Variants in MAPK10 observed in about 807,000 individuals in gnomAD.
The protein encoded by MAPK10 is mitogen-activated protein kinase 10.
A neutral mutation model predicts 59.3 loss-of-function variants in MAPK10; 25 were observed. The ratio of observed to expected loss-of-function variants is 0.42; its 90% CI spans 0.31 to 0.59. MAPK10 has a LOEUF of 0.59. Among genes scored for constraint, MAPK10 ranks in the 20% least tolerant of loss-of-function variants. The probability of loss-of-function intolerance (pLI) is 0.15; values close to 1 mark genes in which losing one functional copy is unlikely to be tolerated. For synonymous variants in MAPK10, 190 were observed against 200.5 expected (o/e 0.95, Z 0.44); for missense variants, 351 against 568.9 (o/e 0.62, Z 3.90).
chr4:86,283,761 G>T (rs1038270502), intron 2 of MAPK10, among the ~76,000 whole-genome samples: 1 of 152,112 alleles, frequency 6.6e-6, no homozygotes, highest in Non-Finnish European at 1.5e-5. Context: ...CCCTTTGATG[G>T]TTGCTTGTAG....
chr4:86,474,132 T>C (rs1256965242), intron 1 of MAPK10, among the ~76,000 whole-genome samples: 6 of 152,272 alleles, frequency 3.9e-5, no homozygotes, highest in African/African-American at 7.2e-5. Context: ...GTCATGTATA[T>C]ATTTCCAACA....
chr4:86,547,944 A>G (rs1237075318), intron 1 of MAPK10, among the ~76,000 whole-genome samples: 1 of 152,146 alleles, frequency 6.6e-6, no homozygotes, highest in African/African-American at 2.4e-5. Flanking sequence ...CCCTGTCAAA[A>G]CAGACCACTC....
At chr4:86,442,760 G>A (rs998645798) in intron 1 of MAPK10, among the ~76,000 whole-genome samples, 5 of 151,898 alleles carry the variant, frequency 3.3e-5, no homozygotes, top group East Asian at 3.9e-4. Flanking sequence ...CTGTGTTACC[G>A]TATTCCATGA....
rs370092470 is a variant in MAPK10, at chr4:86,213,007, G to C, written c.-6-18600C>G. On this transcript the variant is annotated intron_variant, in intron 2 of 13. Transcript: ENST00000641462. ...AAGATATAATACACTATTTTCTCTG[G>C]TCACAACAGTATGAAGTTAGAAACC... Among the ~76,000 whole-genome samples the C allele has an allele frequency of 2.0e-4, 31 of 152,092 alleles. No individual in the cohort carries two copies. In the East Asian group the frequency reaches 2.7e-3, roughly 13 times the overall value.
chr4:86,255,714 G>A (rs1339995576), intron 2 of MAPK10, among the ~76,000 whole-genome samples: 2 of 152,072 alleles, frequency 1.3e-5, no homozygotes, highest in African/African-American at 2.4e-5. Context: ...TCTGGGGGAT[G>A]GGGTGGGAGG....
At chr4:86,549,376 C>T (rs547799461) in intron 1 of MAPK10, among the ~76,000 whole-genome samples, 1 of 152,166 alleles carries the variant, frequency 6.6e-6, no homozygotes, top group East Asian at 1.9e-4. Context: ...ATTGCTCCTA[C>T]ACTACAAACC....
At chr4:86,269,514 T>G (rs140231343) in intron 2 of MAPK10, among the ~76,000 whole-genome samples, 1 of 152,136 alleles carries the variant, frequency 6.6e-6, no homozygotes, top group African/African-American at 2.4e-5. Flanking sequence ...CCTACCAGAA[T>G]GCACAGTCTG....
At chr4:86,537,268 G>A (rs1461357798) in intron 1 of MAPK10, among the ~76,000 whole-genome samples, 6 of 152,194 alleles carry the variant, frequency 3.9e-5, no homozygotes, top group Non-Finnish European at 7.3e-5. Context: ...AATAAAATGA[G>A]ACTGAACTTT....
chr4:86,038,554 ATT>A (rs3836594), intron 11 of MAPK10, among the ~76,000 whole-genome samples: 5 of 151,168 alleles, frequency 3.3e-5, no homozygotes, highest in South Asian at 2.1e-4. Context: ...GAGTTTTCTA[ATT>A]TTTTTTTTCT....
intron 2 of MAPK10, among the ~76,000 whole-genome samples, chr4:86,237,901 A>G (rs2092396803): frequency 2.0e-5 from 3 of 152,154 alleles, no homozygotes; most frequent in Non-Finnish European, 4.4e-5. Context: ...TTGGTGTTTT[A>G]GTCATGAAGA....
chr4:86,165,543 ATTTTTTTTTTTTTTTT>A (rs10525325), intron 3 of MAPK10, among the ~76,000 whole-genome samples: 28 of 57,296 alleles, frequency 4.9e-4, no homozygotes, highest in African/African-American at 1.1e-3. Flanking sequence ...CTCCCAGATA[ATTTTTTTTTTTTTTTT>A]TTTTTTTTTT....
chr4:86,242,864 C>T (rs1257394364), intron 2 of MAPK10, among the ~76,000 whole-genome samples: 2 of 128,904 alleles, frequency 1.6e-5, no homozygotes, highest in Non-Finnish European at 3.1e-5. Flanking sequence ...CTGGATGCCC[C>T]TCCCCCGGAA....
intron 1 of MAPK10, among the ~76,000 whole-genome samples, chr4:86,573,957 A>C (rs1161203899): frequency 6.6e-6 from 1 of 152,186 alleles, no homozygotes; most frequent in African/African-American, 2.4e-5. Context: ...CACAATGTGC[A>C]GGTTAGTTAC....
intron 4 of MAPK10, among the ~76,000 whole-genome samples, chr4:86,154,613 A>T (rs2067243298): frequency 6.6e-6 from 1 of 152,114 alleles, no homozygotes; most frequent in Non-Finnish European, 1.5e-5. Context: ...CGACAATTTC[A>T]GATTTATAAA....
intron 2 of MAPK10, among the ~76,000 whole-genome samples, chr4:86,218,630 T>A (rs1474533062): frequency 6.6e-6 from 1 of 151,040 alleles, no homozygotes; most frequent in East Asian, 1.9e-4. Context: ...AAATCTTAAT[T>A]CCTCTGAACA....
intron 2 of MAPK10, among the ~76,000 whole-genome samples, chr4:86,287,121 C>T (rs997079116): frequency 2.0e-5 from 3 of 151,964 alleles, no homozygotes; most frequent in African/African-American, 2.4e-5. Context: ...TTTACCCAGC[C>T]GGGTAAGGAA....
intron 1 of MAPK10, among the ~76,000 whole-genome samples, chr4:86,466,263 T>C (rs1378343862): frequency 6.6e-6 from 1 of 152,220 alleles, no homozygotes; most frequent in East Asian, 1.9e-4. Flanking sequence ...CAACGATTCC[T>C]ATGGAATCAT....
chr4:86,559,406 C>T (rs1430868676), intron 1 of MAPK10, among the ~76,000 whole-genome samples: 1 of 151,948 alleles, frequency 6.6e-6, no homozygotes, highest in Non-Finnish European at 1.5e-5. Context: ...ATTCCTTATG[C>T]TGTTTGGTTT....
chr4:86,379,145 G>A (rs1186113163), intron 1 of MAPK10, among the ~76,000 whole-genome samples: 3 of 152,294 alleles, frequency 2.0e-5, no homozygotes, highest in South Asian at 4.1e-4. Context: ...TATTTCCCAT[G>A]TTAAGGATCT....
Sources: allele counts gnomAD v4.1 joint callset (sites outside exome capture counted in the v4.1 genomes callset), GRCh38; gene constraint gnomAD v4.1.1; transcripts MANE v1.5; gene names NCBI Gene and HGNC (gene_info 2026-07-23, HGNC 2026-07-21).